MECOM: variants seen among roughly 807,000 people sequenced by gnomAD.
The protein encoded by MECOM is MDS1 and EVI1 complex locus.
A neutral mutation model predicts 116.3 loss-of-function variants in MECOM; 13 were observed. The observed-to-expected ratio is 0.11, with a 90% CI of 0.07 to 0.18. The LOEUF (loss-of-function observed/expected upper bound fraction) is 0.18. MECOM is among the 10% of genes least tolerant of loss of function. The pLI is 1.00. For missense variants in MECOM, 1,299 were observed against 1,509.0 expected, an observed-to-expected ratio of 0.86 and a Z score of 2.31; for synonymous variants, 528 against 535.2, an observed-to-expected ratio of 0.99 and a Z score of 0.19.
intron 1 of MECOM, among the ~76,000 whole-genome samples, chr3:169,405,142 A>G (rs754114095): frequency 3.3e-5 from 5 of 152,308 alleles, no homozygotes; most frequent in Admixed American, 6.5e-5. Flanking sequence ...TGTGCTAGAC[A>G]ATATGGTCAA....
intron 1 of MECOM, among the ~76,000 whole-genome samples, chr3:169,555,672 T>C (rs1261485046): frequency 6.6e-6 from 1 of 152,212 alleles, no homozygotes; most frequent in Admixed American, 6.5e-5. Context: ...TCTCCCAAGT[T>C]TTCGAGGTAC....
intron 2 of MECOM, among the ~76,000 whole-genome samples, chr3:169,300,210 G>C (rs1043790541): frequency 2.0e-5 from 3 of 152,108 alleles, no homozygotes; most frequent in Non-Finnish European, 4.4e-5. Context: ...CTAGCCCACT[G>C]TCATAATTAC....
intron 1 of MECOM, among the ~76,000 whole-genome samples, chr3:169,663,013 G>A (rs1379646807): frequency 2.6e-5 from 2 of 77,610 alleles, no homozygotes; most frequent in African/African-American, 1.0e-4. Flanking sequence ...ACCCCTTCGC[G>A]CTCACTCTCG....
intron 2 of MECOM, among the ~76,000 whole-genome samples, chr3:169,296,379 C>T (rs1380826225): frequency 6.6e-6 from 1 of 152,146 alleles, no homozygotes; most frequent in Non-Finnish European, 1.5e-5. Context: ...TGGCGGCAGG[C>T]TGGTGGACGC....
At position 169,116,000 on chromosome 3, in the gene MECOM, G is replaced by A. The variant is rs771876386; in HGVS notation, c.1872C>T (p.Ser624=). ...ENGKMFKDKV[S]PLQNLASINN... The stretch of plus-strand genomic sequence containing the variant: ...TTATTGAAGCCAGATTCTGAAGAGG[G>A]CTTACTTTGTCTTTGAACATTTTAC... Residue 624 remains serine (S), a synonymous_variant, in exon 8 of 17, where the codon AGC becomes AGT. Coordinates refer to ENST00000651503, the MANE Select transcript of MECOM (RefSeq NM_004991.4). The A allele has an allele frequency of 2.2e-5, 36 of 1,613,964 alleles. No individual in the cohort carries two copies. Among genetic ancestry groups the A allele is most frequent in the Admixed American group, 1.8e-4 (11 of 59,990 alleles).
At chr3:169,229,232 G>A (rs1753095424) in intron 2 of MECOM, among the ~76,000 whole-genome samples, 1 of 152,184 alleles carries the variant, frequency 6.6e-6, no homozygotes, top group African/African-American at 2.4e-5. Flanking sequence ...GGCCTGTTGG[G>A]ACTGTGATTA....
At chr3:169,584,631 A>G (rs1443738933) in intron 1 of MECOM, among the ~76,000 whole-genome samples, 1 of 152,144 alleles carries the variant, frequency 6.6e-6, no homozygotes, top group Non-Finnish European at 1.5e-5. Context: ...GGGAAGGCTC[A>G]AAAGGAGGAC....
chr3:169,557,833 A>T lies in MECOM; in HGVS notation c.37+105503T>A, dbSNP rs567907334. 2.0e-5 allele frequency among the ~76,000 whole-genome samples: 3 copies of T among 152,320 alleles called. No homozygotes were observed. The East Asian group carries it at 5.8e-4, about 29-fold the overall frequency. On this transcript the variant is annotated intron_variant, in intron 1 of 16. Transcript: ENST00000651503. Reference sequence around the variant, plus strand: ...TATACACATTTATCCCCACCATTATAACCATCATGCAGCTTCTAGGACAAT... The same window carrying T: ...TATACACATTTATCCCCACCATTATTACCATCATGCAGCTTCTAGGACAAT...
At position 169,084,506 on chromosome 3, in the gene MECOM, T is replaced by C. The variant is rs1206473967; in HGVS notation, c.*403A>G. 4.2e-6 allele frequency: 1 copy of C among 239,404 alleles called. No individual in the cohort carries two copies. Among genetic ancestry groups the C allele is most frequent in the African/African-American group, 2.2e-5 (1 of 45,562 alleles). The allele number at this position is 239,404 out of a possible 1,614,324, so 14.8% of individuals were successfully genotyped here. On this transcript the variant is annotated 3_prime_UTR_variant, in exon 17 of 17. Coordinates refer to ENST00000651503, the MANE Select transcript of MECOM (RefSeq NM_004991.4). ...AGCAACTGTTCCCAATCATGTCAGG[T>C]GATCTTGTACAAAAGAGAATTCAGT...
At chr3:169,367,464 A>C (rs1219466035) in intron 2 of MECOM, among the ~76,000 whole-genome samples, 2 of 151,996 alleles carry the variant, frequency 1.3e-5, no homozygotes, top group Non-Finnish European at 2.9e-5. Flanking sequence ...TAAAGAAAGC[A>C]TCAGGTATCA....
intron 1 of MECOM, among the ~76,000 whole-genome samples, chr3:169,634,810 A>G (rs553735536): frequency 4.2e-4 from 64 of 152,254 alleles, no homozygotes; most frequent in African/African-American, 1.4e-3. Context: ...GCAGTGAACC[A>G]GAGTCTAGAT....
At chr3:169,201,092 A>G (rs951937188) in intron 2 of MECOM, among the ~76,000 whole-genome samples, 5 of 152,104 alleles carry the variant, frequency 3.3e-5, no homozygotes, top group Non-Finnish European at 7.4e-5. Context: ...AGTTGCATGT[A>G]CGTCTTTCAA....
chr3:169,362,779 A>G (rs563508141), intron 2 of MECOM, among the ~76,000 whole-genome samples: 2 of 152,024 alleles, frequency 1.3e-5, no homozygotes, highest in South Asian at 4.2e-4. Flanking sequence ...CAAGAATAAC[A>G]GTGAGGAAAA....
chr3:169,166,736 C>A (rs913850306), intron 2 of MECOM, among the ~76,000 whole-genome samples: 3 of 152,060 alleles, frequency 2.0e-5, no homozygotes, highest in African/African-American at 4.8e-5. Context: ...ACTAAATATG[C>A]AAACTACAAA....
At chr3:169,149,540 A>G (rs1740806809) in intron 2 of MECOM, 2 of 289,334 alleles carry the variant, frequency 6.9e-6, no homozygotes, top group Admixed American at 4.1e-5. Flanking sequence ...CCAGCCACCC[A>G]GGTGAACCCG....
chr3:169,485,956 CAT>C (rs1560340564), intron 1 of MECOM, among the ~76,000 whole-genome samples: 1 of 33,914 alleles, frequency 2.9e-5, no homozygotes, highest in African/African-American at 1.3e-4. Context: ...TATATATGTA[CAT>C]ATATACTATA....
chr3:169,139,991 T>C (rs925282064), intron 3 of MECOM, among the ~76,000 whole-genome samples: 3 of 151,996 alleles, frequency 2.0e-5, no homozygotes, highest in African/African-American at 4.8e-5. Context: ...ATCATGTAGA[T>C]GTTTGGTTTA....
intron 2 of MECOM, among the ~76,000 whole-genome samples, chr3:169,358,197 T>C (rs1232549325): frequency 6.6e-6 from 1 of 151,748 alleles, no homozygotes; most frequent in Non-Finnish European, 1.5e-5. Flanking sequence ...TCAAGAGCTT[T>C]GATGTAATGT....
intron 1 of MECOM, among the ~76,000 whole-genome samples, chr3:169,622,559 G>A (rs1371313739): frequency 6.6e-6 from 1 of 152,194 alleles, no homozygotes; most frequent in Non-Finnish European, 1.5e-5. Flanking sequence ...ACTATTTGTG[G>A]TGCCCACTCA....
Sources: allele counts gnomAD v4.1 joint callset (sites outside exome capture counted in the v4.1 genomes callset), GRCh38; gene constraint gnomAD v4.1.1; transcripts MANE v1.5; gene names NCBI Gene and HGNC (gene_info 2026-07-23, HGNC 2026-07-21).